PRR11: variants seen among roughly 807,000 people sequenced by gnomAD.
PRR11 encodes the protein proline rich 11.
Under a neutral mutation model 45.6 loss-of-function variants are expected in PRR11, and 30 were observed. The ratio of observed to expected loss-of-function variants is 0.66; its 90% CI spans 0.49 to 0.89. The LOEUF (loss-of-function observed/expected upper bound fraction) is 0.89, where lower values mean the gene tolerates loss of function less well. Among genes scored for constraint, PRR11 ranks in the 40% least tolerant of loss-of-function variants. The probability of loss-of-function intolerance (pLI) is 0.00; values close to 1 mark genes in which losing one functional copy is unlikely to be tolerated. For missense variants in PRR11, 373 were observed against 424.8 expected, an observed-to-expected ratio of 0.88 and a Z score of 1.07; for synonymous variants, 128 against 153.5, an observed-to-expected ratio of 0.83 and a Z score of 1.23.
chr17:59,203,675 A>G lies in PRR11; in HGVS notation c.*2044A>G, dbSNP rs1044864331. ...GGACTTCGAAACCAGCCTGGCCAAC[A>G]TGGTGAAATCCCATCTCTACTAAAA... is the stretch of plus-strand genomic sequence containing the variant. On this transcript the variant is annotated 3_prime_UTR_variant, in exon 10 of 10. Transcript: ENST00000262293. 2.6e-5 allele frequency: 4 copies of G among 152,086 alleles called. No homozygotes were observed. Among genetic ancestry groups the G allele is most frequent in the African/African-American group, 7.2e-5 (3 of 41,416 alleles). The allele number at this position is 152,086 out of a possible 1,614,324, so 9.4% of individuals were successfully genotyped here.
chr17:59,185,444 T>C lies in PRR11; in HGVS notation c.284T>C (p.Leu95Ser). The C allele has an allele frequency of 1.9e-6, 3 of 1,599,318 alleles. No individual in the cohort carries two copies. Among genetic ancestry groups the C allele is most frequent in the Non-Finnish European group, 2.6e-6 (3 of 1,170,076 alleles). ...ATTGTTTATTATTAATTTCAGAGTT[T>C]AGAAGTATTGAAAGACACCATCTTT... The part of the protein sequence containing the change: ...SWCQNCITQS[L>S]EVLKDTIFPS... The change falls in exon 4 of 10, where the codon TTA (leucine) becomes TCA (serine). Residue 95 changes from leucine to serine, a missense_variant. By Grantham distance (145) the Leu-to-Ser change is moderately radical (BLOSUM62 -2). Coordinates refer to ENST00000262293, the MANE Select transcript of PRR11 (RefSeq NM_018304.4).
chr17:59,174,201 C>T (rs2046729193), intron 2 of PRR11, among the ~76,000 whole-genome samples: 2 of 152,128 alleles, frequency 1.3e-5, no homozygotes, highest in South Asian at 4.1e-4. Flanking sequence ...AGTAGGGCAC[C>T]CTCAAAGAAT....
intron 2 of PRR11, among the ~76,000 whole-genome samples, chr17:59,173,847 C>T (rs1385392808): frequency 6.6e-6 from 1 of 152,134 alleles, no homozygotes; most frequent in Admixed American, 6.6e-5. Context: ...TCTCCTCCTT[C>T]CTGGTGTCTG....
intron 4 of PRR11, among the ~76,000 whole-genome samples, chr17:59,188,130 C>T (rs1198744667): frequency 6.6e-6 from 1 of 152,088 alleles, no homozygotes; most frequent in African/African-American, 2.4e-5. Flanking sequence ...GTGTGTCCGG[C>T]TAAAAGTCAG....
intron 2 of PRR11, chr17:59,181,875 A>G: frequency 7.4e-7 from 1 of 1,343,952 alleles, no homozygotes; most frequent in Non-Finnish European, 1.0e-6. Flanking sequence ...TCTCCAAGCC[A>G]TCTTTCTGGC....
Position 59,193,631 on chromosome 17 carries a change from C to A in PRR11, c.542C>A (p.Ala181Asp), listed in dbSNP as rs371167308. 32 of 1,614,166 alleles carry A rather than the reference C, an allele frequency of 2.0e-5. No homozygotes were observed. In the African/African-American group the frequency reaches 4.3e-4, roughly 22 times the overall value. ...CTTCCTCCCACACTGCCACAGCCAG[C>A]CAGCCATTTTCCTCCTCCTCCTCCA... ...AVLPPTLPQP[A>D]SHFPPPPPPP... The change falls in exon 5 of 10, where the codon GCC becomes GAC. Residue 181 changes from alanine to aspartate, a missense_variant. Transcript: ENST00000262293.
At chr17:59,182,782 C>G (rs949995939) in intron 2 of PRR11, among the ~76,000 whole-genome samples, 2 of 152,160 alleles carry the variant, frequency 1.3e-5, no homozygotes, top group Non-Finnish European at 2.9e-5. Context: ...TCCACCACCT[C>G]CTGGAGGGGG....
intron 2 of PRR11, chr17:59,174,863 G>C (rs1043816395): frequency 8.1e-7 from 1 of 1,236,284 alleles, no homozygotes; most frequent in African/African-American, 1.5e-5. Flanking sequence ...CCCTTAAGAA[G>C]ATGGGGACTC....
chr17:59,194,267 T>TCACACACACACACACACACA (rs57853873), intron 5 of PRR11, among the ~76,000 whole-genome samples: 7 of 141,166 alleles, frequency 5.0e-5, no homozygotes, highest in South Asian at 4.7e-4. Flanking sequence ...TTCCCAATCC[T>TCACACACACACACACACACA]CACACACACA....
chr17:59,171,931 TTGAAA>T (rs951252117), intron 2 of PRR11, among the ~76,000 whole-genome samples: 2 of 152,048 alleles, frequency 1.3e-5, no homozygotes, highest in Admixed American at 6.5e-5. Flanking sequence ...GGATTCTCTG[TTGAAA>T]TGAAAATTAT....
Position 59,193,771 on chromosome 17 carries a change from T to C in PRR11, c.645+37T>C, listed in dbSNP as rs1246649057. ...TCTAGTAATGATATGTTTTGATATG[T>C]TTTGGTGAGTGTGTAATATAGGAGT... On this transcript the variant is annotated intron_variant, in intron 5 of 9. Coordinates refer to ENST00000262293, the MANE Select transcript of PRR11 (RefSeq NM_018304.4). The C allele has an allele frequency of 1.9e-6, 3 of 1,600,108 alleles. No individual in the cohort carries two copies. The South Asian group carries it at 3.3e-5, about 18-fold the overall frequency.
At chr17:59,171,402 T>C (rs1426859999) in intron 2 of PRR11, among the ~76,000 whole-genome samples, 1 of 152,162 alleles carries the variant, frequency 6.6e-6, no homozygotes, top group Non-Finnish European at 1.5e-5. Flanking sequence ...CATGTAGCTA[T>C]AAGTGTAATA....
rs1039643272 is a variant in PRR11 at position 59,206,593 on chromosome 17, A to G, written c.*4962A>G. ...GCTTCCTTAAACTACGATTTATCAT[A>G]TGCTCCCAGTGTTTACTTTGAGACT... On this transcript the variant is annotated 3_prime_UTR_variant, in exon 10 of 10. Transcript: ENST00000262293. 7.9e-5 allele frequency among the ~76,000 whole-genome samples: 12 copies of G among 152,338 alleles called. No individual in the cohort carries two copies. Among genetic ancestry groups the G allele is most frequent in the Non-Finnish European group, 1.6e-4 (11 of 68,040 alleles).
chr17:59,161,949 A>G (rs996914834), intron 1 of PRR11, among the ~76,000 whole-genome samples: 30 of 152,228 alleles, frequency 2.0e-4, no homozygotes, highest in Admixed American at 6.5e-4. Flanking sequence ...TCTGGAAAGT[A>G]CCTAATGCTT....
Position 59,201,741 on chromosome 17 carries a change from C to T in PRR11, c.*110C>T. 8.8e-7 allele frequency: 1 copy of T among 1,130,022 alleles called. No homozygotes were observed. The highest frequency in any genetic ancestry group is 1.3e-6 in the Non-Finnish European group (1 of 760,112). The allele number at this position is 1,130,022 out of a possible 1,614,324, so 70.0% of individuals were successfully genotyped here. ...ATCCCAGCACTTTGGGAGGCTGAGG[C>T]AGGTGGATCACCTGAGGTCAGGAGT... is the stretch of plus-strand genomic sequence containing the variant. On this transcript the variant is annotated 3_prime_UTR_variant, in exon 10 of 10. Transcript: ENST00000262293.
intron 1 of PRR11, among the ~76,000 whole-genome samples, chr17:59,156,406 TA>T (rs919235783): frequency 2.4e-3 from 330 of 139,816 alleles, no homozygotes; most frequent in East Asian, 0.012. Flanking sequence ...CAGCAATGCT[TA>T]AAAAAAAAAA....
chr17:59,187,402 C>T (rs1442015151), intron 4 of PRR11, among the ~76,000 whole-genome samples: 1 of 151,740 alleles, frequency 6.6e-6, no homozygotes, highest in Non-Finnish European at 1.5e-5. Flanking sequence ...GAAACCCCCT[C>T]TCTACTAAAA....
chr17:59,180,105 T>C (rs1299922793), intron 2 of PRR11, among the ~76,000 whole-genome samples: 4 of 147,340 alleles, frequency 2.7e-5, no homozygotes, highest in Non-Finnish European at 4.5e-5. Flanking sequence ...CCTTCCCTCA[T>C]CCCTAGTTCT....
intron 2 of PRR11, chr17:59,181,934 T>C: frequency 9.0e-7 from 1 of 1,106,498 alleles, no homozygotes; most frequent in African/African-American, 1.6e-5. Context: ...TCCCCATTCT[T>C]CCGTATCTCT....
Sources: gnomAD v4.1 joint callset for allele counts (sites outside exome capture counted in the v4.1 genomes callset) on GRCh38, gnomAD v4.1.1 for gene constraint, MANE v1.5 for transcripts, NCBI Gene and HGNC (gene_info 2026-07-23, HGNC 2026-07-21) for gene names.